Variants in RAP1GDS1 observed in about 807,000 individuals in gnomAD.
The protein encoded by RAP1GDS1 is Rap1 GTPase-GDP dissociation stimulator 1.
In RAP1GDS1, 35 loss-of-function variants were observed where a neutral mutation model predicts 71.1. The observed-to-expected ratio is 0.49, with a 90% CI of 0.38 to 0.65. The LOEUF (loss-of-function observed/expected upper bound fraction) is 0.65. RAP1GDS1 is among the 30% of genes least tolerant of loss of function. The pLI, the probability that RAP1GDS1 is intolerant of heterozygous loss-of-function variation, is 0.00. For missense variants in RAP1GDS1, 663 were observed against 706.1 expected (o/e 0.94, Z 0.69); for synonymous variants, 229 against 243.1 (o/e 0.94, Z 0.54).
At chr4:98,338,000 G>T (rs1734940262) in intron 2 of RAP1GDS1, among the ~76,000 whole-genome samples, 1 of 152,230 alleles carries the variant, frequency 6.6e-6, no homozygotes, top group African/African-American at 2.4e-5. Flanking sequence ...GTAGATGAAA[G>T]ATGCGGACAG....
At chr4:98,307,600 A>T (rs1208178963) in intron 2 of RAP1GDS1, among the ~76,000 whole-genome samples, 2 of 152,130 alleles carry the variant, frequency 1.3e-5, no homozygotes, top group Non-Finnish European at 2.9e-5. Context: ...ATTACTTTTT[A>T]AAAATATTCC....
chr4:98,419,796 AATT>A (rs1326921797), intron 10 of RAP1GDS1, among the ~76,000 whole-genome samples: 2 of 152,228 alleles, frequency 1.3e-5, no homozygotes, highest in African/African-American at 4.8e-5. Flanking sequence ...CTGTCATAAA[AATT>A]ATTATATTGT....
intron 14 of RAP1GDS1, among the ~76,000 whole-genome samples, chr4:98,441,150 G>A (rs1479071893): frequency 1.3e-5 from 2 of 152,028 alleles, no homozygotes; most frequent in Non-Finnish European, 2.9e-5. Context: ...ATTTTAGGAT[G>A]GATTTTTCTA....
intron 6 of RAP1GDS1, among the ~76,000 whole-genome samples, chr4:98,392,451 G>C (rs868815469): frequency 1.1e-3 from 164 of 152,012 alleles, no homozygotes; most frequent in African/African-American, 3.9e-3. Flanking sequence ...ATAGTGGCTT[G>C]TGCCTGTGGT....
chr4:98,319,031 G>C (rs1236905758), intron 2 of RAP1GDS1, among the ~76,000 whole-genome samples: 2 of 152,138 alleles, frequency 1.3e-5, no homozygotes, highest in African/African-American at 4.8e-5. Context: ...TCATCATGAA[G>C]GTTAGACTGA....
chr4:98,385,098 A>G (rs1344795468), intron 5 of RAP1GDS1, among the ~76,000 whole-genome samples: 1 of 151,660 alleles, frequency 6.6e-6, no homozygotes, highest in African/African-American at 2.4e-5. Context: ...TTTGAAGTGG[A>G]AAAATTGGTT....
intron 4 of RAP1GDS1, among the ~76,000 whole-genome samples, chr4:98,363,042 A>G (rs866897086): frequency 6.6e-6 from 1 of 152,176 alleles, no homozygotes; most frequent in Admixed American, 6.5e-5. Context: ...ATAGATTGTG[A>G]TGACTGACAT....
intron 2 of RAP1GDS1, among the ~76,000 whole-genome samples, chr4:98,331,242 G>A (rs892610900): frequency 6.6e-6 from 1 of 152,100 alleles, no homozygotes; most frequent in Non-Finnish European, 1.5e-5. Flanking sequence ...CCGAGATCAC[G>A]GCAGTACAGT....
chr4:98,438,584 A>C (rs1488417299), intron 14 of RAP1GDS1, among the ~76,000 whole-genome samples: 1 of 132,122 alleles, frequency 7.6e-6, no homozygotes, highest in African/African-American at 3.0e-5. Flanking sequence ...ATATATATAT[A>C]TATATCTTTT....
In RAP1GDS1 at chr4:98,443,339, G is replaced by A. The variant is rs546124932; in HGVS notation, c.*1222G>A. ...GAGAAGACCCCCTTGGCGAAATATA[G>A]TGTACTCTTCACTGCCACTGCCACC... On this transcript the variant is annotated 3_prime_UTR_variant, in exon 15 of 15. Transcript: ENST00000408927. 8.6e-5 allele frequency: 20 copies of A among 231,582 alleles called. No individual in the cohort carries two copies. The highest frequency in any genetic ancestry group is 5.6e-4 in the Admixed American group (10 of 17,702). 14.3% of individuals were successfully genotyped at this position (231,582 alleles called of 1,614,324 possible).
chr4:98,298,621 G>GA (rs1728130349), intron 2 of RAP1GDS1, among the ~76,000 whole-genome samples: 2 of 151,882 alleles, frequency 1.3e-5, no homozygotes, highest in Non-Finnish European at 2.9e-5. Context: ...ATACTGCTCA[G>GA]AAAAAAAAGA....
intron 1 of RAP1GDS1, among the ~76,000 whole-genome samples, chr4:98,261,835 C>T (rs1048310896): frequency 6.6e-6 from 1 of 152,108 alleles, no homozygotes; most frequent in African/African-American, 2.4e-5. Flanking sequence ...CTCGCCTCCC[C>T]TCCTCCATTC....
chr4:98,297,775 G>A (rs1578345882), intron 2 of RAP1GDS1, among the ~76,000 whole-genome samples: 2 of 152,098 alleles, frequency 1.3e-5, no homozygotes, highest in Admixed American at 6.6e-5. Flanking sequence ...AAGTGTTCCA[G>A]TGAAAGGAAG....
intron 4 of RAP1GDS1, among the ~76,000 whole-genome samples, chr4:98,366,566 G>T (rs1293141307): frequency 6.6e-6 from 1 of 152,162 alleles, no homozygotes; most frequent in Admixed American, 6.5e-5. Flanking sequence ...CTCAGAAGAA[G>T]ACAGGAAAAT....
intron 5 of RAP1GDS1, 22 bp downstream of exon 5, chr4:98,379,185 C>G: frequency 1.3e-6 from 2 of 1,541,144 alleles, no homozygotes; most frequent in Non-Finnish European, 1.7e-6. Context: ...TGAAAACTTG[C>G]TTTATCTCTG....
At chr4:98,383,587 G>A (rs1269357513) in intron 5 of RAP1GDS1, among the ~76,000 whole-genome samples, 1 of 151,360 alleles carries the variant, frequency 6.6e-6, no homozygotes, top group Non-Finnish European at 1.5e-5. Context: ...ATTAAGCTAT[G>A]GTTGAAGGGA....
intron 4 of RAP1GDS1, among the ~76,000 whole-genome samples, chr4:98,358,910 T>C (rs765648832): frequency 6.6e-6 from 1 of 151,936 alleles, no homozygotes; most frequent in Non-Finnish European, 1.5e-5. Flanking sequence ...TTAAATAACT[T>C]CTTGTGAGCC....
At chr4:98,436,661 A>G (rs569538352) in intron 13 of RAP1GDS1, among the ~76,000 whole-genome samples, 4 of 152,326 alleles carry the variant, frequency 2.6e-5, no homozygotes, top group African/African-American at 7.2e-5. Flanking sequence ...CTGATTTTGC[A>G]TATGTTTAAC....
At chr4:98,261,768 C>G in intron 1 of RAP1GDS1, 199 bp downstream of exon 1, 1 of 587,520 alleles carries the variant, frequency 1.7e-6, no homozygotes, top group Non-Finnish European at 2.6e-6. Context: ...CGAGCGCGGG[C>G]TGGGGTGGGG....
Sources: gnomAD v4.1 joint callset for allele counts (sites outside exome capture counted in the v4.1 genomes callset) on GRCh38, gnomAD v4.1.1 for gene constraint, MANE v1.5 for transcripts, NCBI Gene and HGNC (gene_info 2026-07-23, HGNC 2026-07-21) for gene names.